Variants in ZNF761 observed in about 807,000 individuals in gnomAD.
ZNF761 encodes zinc finger protein 761.
In ZNF761, 43 loss-of-function variants were observed where a neutral mutation model predicts 59.9. The observed-to-expected ratio is 0.72, with a 90% CI of 0.56 to 0.92. The LOEUF (loss-of-function observed/expected upper bound fraction) is 0.92. Among genes scored for constraint, ZNF761 ranks in the 40% least tolerant of loss-of-function variants. The pLI is 0.00. For synonymous variants in ZNF761, 294 were observed against 304.8 expected, an observed-to-expected ratio of 0.96 and a Z score of 0.37; for missense variants, 850 against 906.1, an observed-to-expected ratio of 0.94 and a Z score of 0.79.
chr19:53,445,686 A>G (rs2086150093), intron 1 of ZNF761, among the ~76,000 whole-genome samples: 1 of 152,172 alleles, frequency 6.6e-6, no homozygotes, highest in Non-Finnish European at 1.5e-5. Context: ...CAAAAATAAA[A>G]TTAAAAAAAA....
At chr19:53,433,890 G>C (rs1021035448) in intron 1 of ZNF761, among the ~76,000 whole-genome samples, 11 of 152,128 alleles carry the variant, frequency 7.2e-5, no homozygotes, top group African/African-American at 2.7e-4. Flanking sequence ...GGACTGGAAC[G>C]TGGGCTAATT....
intron 1 of ZNF761, among the ~76,000 whole-genome samples, chr19:53,433,640 A>C (rs559352950): frequency 1.3e-5 from 2 of 152,294 alleles, no homozygotes; most frequent in African/African-American, 2.4e-5. Flanking sequence ...CTATTACTGG[A>C]TTCTTCATGA....
At position 53,455,266 on chromosome 19, in the gene ZNF761, G is replaced by A. The variant is rs774509748; in HGVS notation, c.759G>A (p.Gln253=). 14 of 1,614,196 alleles carry A rather than the reference G, an allele frequency of 8.7e-6. No individual in the cohort carries two copies. Among genetic ancestry groups the A allele is most frequent in the Admixed American group, 1.7e-5 (1 of 60,024 alleles). ...ATGTATGTGGCAAGCTCTTTAATCA[G>A]AAGCGAAACCTAGCATGCCATCGTA... ...KCDVCGKLFN[Q]KRNLACHRRC... is the part of the protein sequence containing the mutation. The change falls in exon 5 of 5, where the codon CAG becomes CAA. Residue 253 remains glutamine (Q), a synonymous_variant. Transcript: ENST00000684525.
At position 53,455,168 on chromosome 19, in the gene ZNF761, G is replaced by A. The variant is rs1193483172; in HGVS notation, c.661G>A (p.Gly221Ser). The change falls in exon 5 of 5, where the codon GGC becomes AGC. Residue 221 changes from glycine (G) to serine (S), a missense_variant. Transcript: ENST00000684525. ...REKSFQCNES[G>S]KAFNYSSLLR... ...AAAATCTTTCCAATGTAATGAGAGT[G>A]GCAAAGCCTTTAATTACAGCTCACT... The A allele has an allele frequency of 6.2e-7, 1 of 1,614,156 alleles. No homozygotes were observed. The highest frequency in any genetic ancestry group is 8.5e-7 in the Non-Finnish European group (1 of 1,180,028).
chr19:53,453,154 A>T (rs1225323434), intron 4 of ZNF761, among the ~76,000 whole-genome samples: 1 of 152,042 alleles, frequency 6.6e-6, no homozygotes, highest in Non-Finnish European at 1.5e-5. Context: ...GGCACCCACC[A>T]CCACGACCAG....
At chr19:53,432,764 G>C (rs1482819553) in intron 1 of ZNF761, among the ~76,000 whole-genome samples, 2 of 152,124 alleles carry the variant, frequency 1.3e-5, no homozygotes, top group African/African-American at 4.8e-5. Flanking sequence ...GATGGGTGAG[G>C]GATTTGCCAA....
intron 4 of ZNF761, chr19:53,450,032 T>A (rs533749290): frequency 2.3e-5 from 10 of 436,536 alleles, no homozygotes; most frequent in African/African-American, 1.2e-4. Context: ...TGGCCGGGCT[T>A]GGTGGCTCAC....
intron 1 of ZNF761, among the ~76,000 whole-genome samples, chr19:53,434,370 A>G (rs28887003): frequency 0.055 from 8,413 of 152,192 alleles, 354 homozygotes; most frequent in East Asian, 0.14. Flanking sequence ...AAGATGGTCT[A>G]ATTGTTTCAA....
intron 4 of ZNF761, among the ~76,000 whole-genome samples, chr19:53,453,074 T>C (rs2086234905): frequency 6.6e-6 from 1 of 152,246 alleles, no homozygotes; most frequent in African/African-American, 2.4e-5. Context: ...CAATCTCGGC[T>C]TACTACAACC....
chr19:53,455,207 C>T lies in ZNF761; in HGVS notation c.700C>T (p.Gln234Ter), dbSNP rs1255588242. The T allele has an allele frequency of 6.2e-7, 1 of 1,614,052 alleles. No individual in the cohort carries two copies. Among genetic ancestry groups the T allele is most frequent in the Non-Finnish European group, 8.5e-7 (1 of 1,180,030 alleles). ...TTACAGCTCACTCTTAAGGAAACAT[C>T]AGATAATCCATTTAGCAGACAAATA... Reference protein sequence around the residue: ...FNYSSLLRKHQIIHLADKYKC... With the variant: ...FNYSSLLRKH Residue 234 changes from glutamine (Q) to a stop codon, truncating the protein, a stop_gained, in exon 5 of 5, where the codon CAG (glutamine) becomes TAG (stop). Coordinates refer to ENST00000684525, the MANE Select transcript of ZNF761 (RefSeq NM_001289951.2). LOFTEE classifies it high-confidence loss of function.
chr19:53,458,217 TTA>T lies in ZNF761; in HGVS notation c.*1471_*1472del. 6.0e-6 allele frequency: 1 copy of T among 167,110 alleles called. No individual in the cohort carries two copies. Among genetic ancestry groups the T allele is most frequent in the Admixed American group, 6.4e-5 (1 of 15,548 alleles). The allele number at this position is 167,110 out of a possible 1,614,324, so 10.4% of individuals were successfully genotyped here. A position where few individuals can be genotyped will look rare whatever the true frequency, so the allele number is the denominator to read the frequency against. On this transcript the variant is annotated 3_prime_UTR_variant, in exon 5 of 5. Transcript: ENST00000684525. ...TCTTTGTGATTTTCTACACAGAAGA[TTA>T]TGTCATCTACAAACAAATATAATTT... is the stretch of plus-strand genomic sequence containing the variant.
chr19:53,455,246 T>C lies in ZNF761; in HGVS notation c.739T>C (p.Cys247Arg). Residue 247 changes from cysteine (C) to arginine (R), a missense_variant, in exon 5 of 5, where the codon TGT (cysteine) becomes CGT (arginine). Transcript: ENST00000684525. ...AGCAGACAAATATAAATGTGATGTA[T>C]GTGGCAAGCTCTTTAATCAGAAGCG... ...HLADKYKCDV[C>R]GKLFNQKRNL... 1 of 1,614,226 alleles carries C rather than the reference T, an allele frequency of 6.2e-7. No individual in the cohort carries two copies.
intron 1 of ZNF761, chr19:53,442,004 G>A: frequency 8.7e-7 from 1 of 1,150,732 alleles, no homozygotes; most frequent in South Asian, 1.3e-5. Context: ...GGCAGAGGCT[G>A]AAGTGGCCTC....
chr19:53,432,486 T>A (rs2085981819), intron 1 of ZNF761, among the ~76,000 whole-genome samples: 1 of 152,086 alleles, frequency 6.6e-6, no homozygotes, highest in South Asian at 2.1e-4. Flanking sequence ...TGCCGGGCCC[T>A]GCTGCTCCAC....
At position 53,455,637 on chromosome 19, in the gene ZNF761, C is replaced by T. The variant is rs756864182; in HGVS notation, c.1130C>T (p.Thr377Ile). 33 of 1,613,788 alleles carry T rather than the reference C, an allele frequency of 2.0e-5. No homozygotes were observed. Among genetic ancestry groups the T allele is most frequent in the Non-Finnish European group, 2.8e-5 (33 of 1,179,944 alleles). The change falls in exon 5 of 5, where the codon ACT becomes ATT. Residue 377 changes from threonine to isoleucine, a missense_variant. Transcript: ENST00000684525. ...SSLTCHHRLH[T>I]GEKPYKCNEC... ...CTTACATGCCATCATAGACTTCATA[C>T]TGGAGAGAAACCCTACAAATGTAAT...
intron 1 of ZNF761, among the ~76,000 whole-genome samples, chr19:53,439,446 C>T (rs2086076593): frequency 6.6e-6 from 1 of 151,954 alleles, no homozygotes; most frequent in South Asian, 2.1e-4. Flanking sequence ...GGTGGGACCA[C>T]AGGCCCCCAG....
At chr19:53,438,551 G>A (rs574016105) in intron 1 of ZNF761, among the ~76,000 whole-genome samples, 5 of 152,218 alleles carry the variant, frequency 3.3e-5, no homozygotes, top group African/African-American at 1.2e-4. Context: ...GCTATTTCTT[G>A]GTTAGTTTTT....
At position 53,455,834 on chromosome 19, in the gene ZNF761, T is replaced by C. The variant is rs1229323650; in HGVS notation, c.1327T>C (p.Cys443Arg). 8 of 1,613,594 alleles carry C rather than the reference T, an allele frequency of 5.0e-6. No homozygotes were observed. Among genetic ancestry groups the C allele is most frequent in the Non-Finnish European group, 6.8e-6 (8 of 1,179,950 alleles). The change falls in exon 5 of 5, where the codon TGT becomes CGT. Residue 443 changes from cysteine to arginine, a missense_variant. Physicochemically the swap from Cys to Arg is radical, Grantham distance 180. Transcript: ENST00000684525. ...AGACAATGCTTACAAGTGTAATGAGTGTGGAAAGACCTTTAGCCGGACATC... is the reference window on the plus strand; with the variant it reads ...AGACAATGCTTACAAGTGTAATGAGCGTGGAAAGACCTTTAGCCGGACATC... ...TEDNAYKCNE[C>R]GKTFSRTSSL...
At chr19:53,449,913 A>G in intron 4 of ZNF761, 2 of 661,714 alleles carry the variant, frequency 3.0e-6, no homozygotes, top group South Asian at 2.4e-5. Flanking sequence ...ATTCATCTTG[A>G]TCTCCTGAGC....
Sources: gnomAD v4.1 joint callset for allele counts (sites outside exome capture counted in the v4.1 genomes callset) on GRCh38, gnomAD v4.1.1 for gene constraint, MANE v1.5 for transcripts, NCBI Gene and HGNC (gene_info 2026-07-23, HGNC 2026-07-21) for gene names.